Variants in HIP1 observed in about 807,000 individuals in gnomAD.
HIP1 encodes huntingtin-interacting protein 1.
In HIP1, 65 loss-of-function variants were observed where a neutral mutation model predicts 147.6. That is an observed-to-expected ratio of 0.44 (90% CI 0.36 to 0.54). HIP1 has a LOEUF of 0.54. Ranked by LOEUF, HIP1 falls within the 20% of genes least tolerant of loss-of-function variation. The pLI, the probability that HIP1 is intolerant of heterozygous loss-of-function variation, is 0.00. For synonymous variants in HIP1, 479 were observed against 504.0 expected, an observed-to-expected ratio of 0.95 and a Z score of 0.67; for missense variants, 1,061 against 1,299.6, an observed-to-expected ratio of 0.82 and a Z score of 2.82.
rs1305656110 is a variant in HIP1 at position 75,537,101 on chromosome 7, T to G, written c.*1071A>C. ...GAGACGGCCCGCTTGACAGAGACCA[T>G]TCACGGACAGTTCATTCCGGCAGGG... On this transcript the variant is annotated 3_prime_UTR_variant, in exon 31 of 31. Coordinates refer to ENST00000336926, the MANE Select transcript of HIP1 (RefSeq NM_005338.7). 1 of 232,472 alleles carries G rather than the reference T, an allele frequency of 4.3e-6. No individual in the cohort carries two copies. Among genetic ancestry groups the G allele is most frequent in the East Asian group, 6.1e-5 (1 of 16,500 alleles). 14.4% of individuals were successfully genotyped at this position (232,472 alleles called of 1,614,324 possible).
At chr7:75,681,029 G>A (rs781900839) in intron 1 of HIP1, among the ~76,000 whole-genome samples, 5 of 151,980 alleles carry the variant, frequency 3.3e-5, no homozygotes, top group Admixed American at 6.6e-5. Flanking sequence ...GCCCACCTCG[G>A]CCTCCCAAAG....
At chr7:75,727,698 T>C (rs1056386365) in intron 1 of HIP1, among the ~76,000 whole-genome samples, 1 of 151,918 alleles carries the variant, frequency 6.6e-6, no homozygotes, top group African/African-American at 2.4e-5. Flanking sequence ...ATAGAAAAAT[T>C]ATCCGGGCAT....
intron 1 of HIP1, among the ~76,000 whole-genome samples, chr7:75,683,682 G>A (rs544136389): frequency 3.9e-5 from 6 of 152,160 alleles, no homozygotes; most frequent in Non-Finnish European, 5.9e-5. Flanking sequence ...ACTGACATCT[G>A]TGAACCTCCC....
chr7:75,535,517 G>C lies in HIP1; in HGVS notation c.*2655C>G. 5.6e-6 allele frequency: 1 copy of C among 179,408 alleles called. No homozygotes were observed. The highest frequency in any genetic ancestry group is 9.2e-5 in the East Asian group (1 of 10,896). 11.1% of individuals were successfully genotyped at this position (179,408 alleles called of 1,614,324 possible). A position where few individuals can be genotyped will look rare whatever the true frequency, so the allele number is the denominator to read the frequency against. ...ACTACAGGCATGCACCATCATGCCCGGCTAATTTTGTTTTTGAATTTTAGT... is the reference window on the plus strand; with the variant it reads ...ACTACAGGCATGCACCATCATGCCCCGCTAATTTTGTTTTTGAATTTTAGT... On this transcript the variant is annotated 3_prime_UTR_variant, in exon 31 of 31. Coordinates refer to ENST00000336926, the MANE Select transcript of HIP1 (RefSeq NM_005338.7).
Position 75,561,322 on chromosome 7 carries a change from G to A in HIP1, c.1191+7C>T. On this transcript the variant is annotated splice_region_variant and intron_variant, in intron 13 of 30. Transcript: ENST00000336926. The stretch of plus-strand genomic sequence containing the variant: ...AAGCGCAAAGGCAGAGCAGATCCAA[G>A]TTATACCTCAGTCTTCATGTTTTCT... 1.3e-6 allele frequency: 2 copies of A among 1,596,484 alleles called. No homozygotes were observed. The highest frequency in any genetic ancestry group is 1.1e-5 in the South Asian group (1 of 90,774).
chr7:75,558,399 C>T, intron 14 of HIP1, 144 bp from the exon 15 acceptor site: 1 of 684,714 alleles, frequency 1.5e-6, no homozygotes, highest in Non-Finnish European at 2.6e-6. Context: ...TGCAGTGGCA[C>T]AATCACTGTT....
rs373633781 is a variant in HIP1 at position 75,684,396 on chromosome 7, C to T, written c.120+54405G>A. ...CCGGGAGGCAGAGGTTGCAGTAAGC[C>T]GAGATTGCATCACTGCACTCCAGCC... On this transcript the variant is annotated intron_variant, in intron 1 of 30. Transcript: ENST00000336926. Among the ~76,000 whole-genome samples, 19 of 142,012 alleles carry T rather than the reference C, an allele frequency of 1.3e-4. No homozygotes were observed. In the East Asian group the frequency reaches 3.5e-3, roughly 26 times the overall value. The allele number at this position is 142,012 out of a possible 152,430, so 93.2% of individuals were successfully genotyped here. A position where few individuals can be genotyped will look rare whatever the true frequency, so the allele number is the denominator to read the frequency against.
At chr7:75,674,499 G>GTTTTTTTTT (rs782124951) in intron 1 of HIP1, among the ~76,000 whole-genome samples, 4 of 79,130 alleles carry the variant, frequency 5.1e-5, no homozygotes, top group Non-Finnish European at 7.9e-5. Context: ...GCGGCTTTTT[G>GTTTTTTTTT]TTTTTTTTTT....
intron 1 of HIP1, among the ~76,000 whole-genome samples, chr7:75,616,277 G>A (rs1797658960): frequency 6.6e-6 from 1 of 151,814 alleles, no homozygotes; most frequent in African/African-American, 2.4e-5. Context: ...TGGTTTTTGT[G>A]TTCTTGTTTA....
intron 23 of HIP1, among the ~76,000 whole-genome samples, chr7:75,548,062 C>A (rs1794638443): frequency 6.6e-6 from 1 of 152,166 alleles, no homozygotes; most frequent in African/African-American, 2.4e-5. Context: ...TGGAGTCTCA[C>A]TCTGTCACCC....
At position 75,548,784 on chromosome 7, in the gene HIP1, G is replaced by A. The variant is rs1054942930; in HGVS notation, c.2406+107C>T. On this transcript the variant is annotated intron_variant, in intron 23 of 30. Transcript: ENST00000336926. ...TGGCAAATTCTGGTTTCTGTCTTAG[G>A]GGGTTGCCATGGCCTTAATGAACGA... 5.9e-6 allele frequency: 5 copies of A among 853,846 alleles called. No individual in the cohort carries two copies. In the African/African-American group the frequency reaches 8.3e-5, roughly 14 times the overall value. 52.9% of individuals were successfully genotyped at this position (853,846 alleles called of 1,614,324 possible). A position where few individuals can be genotyped will look rare whatever the true frequency, so the allele number is the denominator to read the frequency against.
At chr7:75,639,137 C>G (rs1441647337) in intron 1 of HIP1, 2 of 984,340 alleles carry the variant, frequency 2.0e-6, no homozygotes, top group African/African-American at 3.5e-5. Flanking sequence ...CCCGGCTAAT[C>G]GCGCCCCGAG....
intron 2 of HIP1, among the ~76,000 whole-genome samples, chr7:75,595,791 C>G (rs1477203370): frequency 6.6e-6 from 1 of 152,158 alleles, no homozygotes; most frequent in Non-Finnish European, 1.5e-5. Context: ...AAATAAGACT[C>G]AGTCCCCAGC....
At chr7:75,610,584 A>C (rs1442655290) in intron 1 of HIP1, among the ~76,000 whole-genome samples, 2 of 151,414 alleles carry the variant, frequency 1.3e-5, no homozygotes, top group Non-Finnish European at 2.9e-5. Context: ...CTCCCTACCC[A>C]GACTAGAATC....
chr7:75,629,834 G>C (rs59011071), intron 1 of HIP1, among the ~76,000 whole-genome samples: 11,327 of 152,102 alleles, frequency 0.074, 537 homozygotes, highest in African/African-American at 0.13. Context: ...GAGCCACTGC[G>C]CCCGGCCTGC....
At chr7:75,674,577 A>C (rs2705815) in intron 1 of HIP1, among the ~76,000 whole-genome samples, 85,280 of 150,860 alleles carry the variant, frequency 0.57, 24,608 homozygotes, top group African/African-American at 0.66. Flanking sequence ...ACTGAAAGCT[A>C]CGCCTCCTGG....
intron 1 of HIP1, among the ~76,000 whole-genome samples, chr7:75,633,684 C>T (rs1303313879): frequency 6.6e-6 from 1 of 152,158 alleles, no homozygotes; most frequent in Non-Finnish European, 1.5e-5. Flanking sequence ...GGGCAGGTCA[C>T]CCATCAGTCC....
chr7:75,693,921 T>TTTTC (rs1554518487), intron 1 of HIP1, among the ~76,000 whole-genome samples: 3 of 139,138 alleles, frequency 2.2e-5, no homozygotes, highest in African/African-American at 5.4e-5. Context: ...TCTCTTTTCT[T>TTTTC]TTTTTTTTTT....
intron 1 of HIP1, among the ~76,000 whole-genome samples, chr7:75,694,478 C>CT (rs1233229532): frequency 3.2e-3 from 472 of 149,094 alleles, no homozygotes; most frequent in African/African-American, 0.011. Context: ...TTGATTCTTT[C>CT]TTTTTTTCTT....
Sources: gnomAD v4.1 joint callset for allele counts (sites outside exome capture counted in the v4.1 genomes callset) on GRCh38, gnomAD v4.1.1 for gene constraint, MANE v1.5 for transcripts, NCBI Gene and HGNC (gene_info 2026-07-23, HGNC 2026-07-21) for gene names.